SOX6: variants seen among roughly 807,000 people sequenced by gnomAD.
SOX6 encodes transcription factor SOX-6.
A neutral mutation model predicts 97.8 loss-of-function variants in SOX6; 11 were observed. That is an observed-to-expected ratio of 0.11 (90% CI 0.07 to 0.19). The LOEUF is 0.19. Among genes scored for constraint, SOX6 ranks in the 10% least tolerant of loss-of-function variants. The pLI is 1.00. For missense variants in SOX6, 810 were observed against 1,039.5 expected, an observed-to-expected ratio of 0.78 and a Z score of 3.04; for synonymous variants, 360 against 371.4, an observed-to-expected ratio of 0.97 and a Z score of 0.35.
At chr11:16,632,239 G>A (rs577469286) in intron 3 of SOX6, among the ~76,000 whole-genome samples, 56 of 152,122 alleles carry the variant, frequency 3.7e-4, no homozygotes, top group African/African-American at 1.3e-3. Context: ...CATGTGGGTA[G>A]GATTTTTTCT....
intron 11 of SOX6, among the ~76,000 whole-genome samples, chr11:16,048,808 ATTAAGTCTC>A (rs1272610458): frequency 6.6e-6 from 1 of 152,098 alleles, no homozygotes; most frequent in Non-Finnish European, 1.5e-5. Context: ...CTGTTTGGAA[ATTAAGTCTC>A]TTAATTTCCA....
intron 4 of SOX6, among the ~76,000 whole-genome samples, chr11:16,522,713 A>G (rs138373625): frequency 1.3e-5 from 2 of 152,166 alleles, no homozygotes; most frequent in Admixed American, 1.3e-4. Context: ...AAGACCCATC[A>G]GTGTGCTGTA....
chr11:16,712,865 T>A lies in SOX6; in HGVS notation n.429+1965A>T, dbSNP rs528551746. On this transcript the variant is annotated intron_variant and non_coding_transcript_variant, in intron 3 of 5. Transcript: ENST00000524520. ...ATTATTTATACTGTTAATTATTATA[T>A]TTCCCATGCCTGGCACAATAAATAA... Among the ~76,000 whole-genome samples the A allele has an allele frequency of 3.3e-5, 5 of 152,354 alleles. No individual in the cohort carries two copies. The East Asian group carries it at 9.6e-4, about 29-fold the overall frequency.
intron 4 of SOX6, among the ~76,000 whole-genome samples, chr11:16,571,944 T>C (rs1847944306): frequency 6.6e-6 from 1 of 152,208 alleles, no homozygotes; most frequent in African/African-American, 2.4e-5. Flanking sequence ...TGAGCCACTG[T>C]TCCCAGTCCG....
intron 2 of SOX6, among the ~76,000 whole-genome samples, chr11:16,720,919 T>A (rs1848255993): frequency 6.6e-6 from 1 of 152,066 alleles, no homozygotes; most frequent in Non-Finnish European, 1.5e-5. Flanking sequence ...AGGGATAAAA[T>A]CTTAAAACTG....
At chr11:16,688,014 C>A (rs1277558419) in intron 3 of SOX6, among the ~76,000 whole-genome samples, 1 of 152,022 alleles carries the variant, frequency 6.6e-6, no homozygotes, top group Non-Finnish European at 1.5e-5. Context: ...ACTCTGTCAT[C>A]CAGGCTGGAG....
chr11:16,573,769 C>T (rs1265746004), intron 4 of SOX6, among the ~76,000 whole-genome samples: 2 of 152,144 alleles, frequency 1.3e-5, no homozygotes, highest in Non-Finnish European at 2.9e-5. Context: ...GATATTACTA[C>T]TTAATTAATA....
chr11:16,510,280 T>C (rs1313649217), intron 4 of SOX6, among the ~76,000 whole-genome samples: 2 of 152,096 alleles, frequency 1.3e-5, no homozygotes, highest in Non-Finnish European at 2.9e-5. Context: ...TTTACTTCCT[T>C]TTTCAAATCA....
At chr11:16,217,595 G>A (rs968746413) in intron 4 of SOX6, among the ~76,000 whole-genome samples, 25 of 152,104 alleles carry the variant, frequency 1.6e-4, no homozygotes, top group African/African-American at 5.6e-4. Context: ...ACTCCTATAA[G>A]TAACCATATA....
At position 16,087,718 on chromosome 11, in the gene SOX6, CTAAGA is replaced by C. The variant is rs1240290756; in HGVS notation, c.1101+8273_1101+8277del. Among the ~76,000 whole-genome samples the C allele has an allele frequency of 2.6e-5, 4 of 152,116 alleles. No homozygotes were observed. In the East Asian group the frequency reaches 7.7e-4, roughly 29 times the overall value. ...GATGGGATAGGTGAGGATATTTCTG[CTAAGA>C]TGAGTAAGATTTGCAGTCTCATTTC... On this transcript the variant is annotated intron_variant, in intron 9 of 15. Coordinates refer to ENST00000683767, the MANE Select transcript of SOX6 (RefSeq NM_001367873.1).
intron 6 of SOX6, among the ~76,000 whole-genome samples, chr11:16,165,297 T>C (rs550001525): frequency 6.6e-6 from 1 of 152,350 alleles, no homozygotes; most frequent in East Asian, 1.9e-4. Flanking sequence ...ATTGCTCAAA[T>C]GTCTCTCTTA....
chr11:16,388,765 T>C (rs1858073512), intron 1 of SOX6, among the ~76,000 whole-genome samples: 1 of 152,178 alleles, frequency 6.6e-6, no homozygotes, highest in Admixed American at 6.5e-5. Flanking sequence ...TTTTTCTTGG[T>C]CTTTACAAAA....
chr11:16,643,715 G>T (rs957016528), intron 3 of SOX6, among the ~76,000 whole-genome samples: 12 of 152,364 alleles, frequency 7.9e-5, no homozygotes, highest in East Asian at 1.9e-4. Context: ...CTCCGAGCCA[G>T]GCGCAGAATA....
rs146727579 is a variant in SOX6, at chr11:16,436,190, G to A, written c.-5+40125C>T. On this transcript the variant is annotated intron_variant, in intron 1 of 15. Coordinates refer to the SOX6 transcript ENST00000396356. ...AACCATGTTTCTGCACATGTATCCC[G>A]GAACTCAAGGTAAAATAAAAATTAA... is the stretch of plus-strand genomic sequence containing the variant. Among the ~76,000 whole-genome samples, 5 of 152,116 alleles carry A rather than the reference G, an allele frequency of 3.3e-5. No individual in the cohort carries two copies. In the East Asian group the frequency reaches 9.6e-4, roughly 29 times the overall value.
chr11:16,668,000 G>C lies in SOX6; in HGVS notation n.429+46830C>G, dbSNP rs977899417. 1.3e-4 allele frequency among the ~76,000 whole-genome samples: 20 copies of C among 152,304 alleles called. No homozygotes were observed. The South Asian group carries it at 1.9e-3, about 14-fold the overall frequency. On this transcript the variant is annotated intron_variant and non_coding_transcript_variant, in intron 3 of 5. Transcript: ENST00000524520. ...TCTTTGCTTGTTTGTTTGCTTGCTT[G>C]TTTATGCAATCAGTGTCAAGTTATC...
rs1034809569 is a variant in SOX6, at chr11:16,534,200, G to A, written n.610-57812C>T. Among the ~76,000 whole-genome samples, 9 of 152,086 alleles carry A rather than the reference G, an allele frequency of 5.9e-5. No homozygotes were observed. The South Asian group carries it at 8.3e-4, about 14-fold the overall frequency. Reference sequence around the variant, plus strand: ...TCTATATATCATACAATATTGGTTGGTGATGCAAAAGTCTTCATATAGAAA... The same window carrying A: ...TCTATATATCATACAATATTGGTTGATGATGCAAAAGTCTTCATATAGAAA... On this transcript the variant is annotated intron_variant and non_coding_transcript_variant, in intron 4 of 5. Transcript: ENST00000524520.
intron 6 of SOX6, among the ~76,000 whole-genome samples, chr11:16,168,594 A>C (rs1850948348): frequency 1.3e-5 from 2 of 152,304 alleles, no homozygotes; most frequent in South Asian, 4.1e-4. Flanking sequence ...GGTAGAAAGC[A>C]AGGATGCTAA....
chr11:16,484,769 A>T, intron 4 of SOX6: 1 of 392,572 alleles, frequency 2.5e-6, no homozygotes, highest in Non-Finnish European at 4.7e-6. Flanking sequence ...ATCAAATAGA[A>T]GTTGTCAAAG....
intron 6 of SOX6, among the ~76,000 whole-genome samples, chr11:16,155,129 G>A (rs983264248): frequency 1.2e-4 from 18 of 151,902 alleles, no homozygotes; most frequent in Non-Finnish European, 2.1e-4. Flanking sequence ...TTCCCAACTT[G>A]GCAAATGAGT....
Sources: allele counts gnomAD v4.1 joint callset (sites outside exome capture counted in the v4.1 genomes callset), GRCh38; gene constraint gnomAD v4.1.1; transcripts MANE v1.5; gene names NCBI Gene and HGNC (gene_info 2026-07-23, HGNC 2026-07-21).